MGAT3: variants seen among roughly 807,000 people sequenced by gnomAD.
MGAT3 encodes the protein beta-1,4-mannosyl-glycoprotein 4-beta-N-acetylglucosaminyltransferase, also known as GlcNAc-T III.
In MGAT3, 9 loss-of-function variants were observed where a neutral mutation model predicts 29.8. The ratio of observed to expected loss-of-function variants is 0.30; its 90% CI spans 0.18 to 0.53. The LOEUF (loss-of-function observed/expected upper bound fraction) is 0.53, where lower values mean the gene tolerates loss of function less well. Ranked by LOEUF, MGAT3 falls within the 20% of genes least tolerant of loss-of-function variation. The pLI is 0.96. For missense variants in MGAT3, 557 were observed against 769.5 expected (o/e 0.72, Z 3.27); for synonymous variants, 397 against 348.9 (o/e 1.14, Z -1.54).
chr22:39,476,572 G>A (rs1434263492), intron 1 of MGAT3: 3 of 152,334 alleles, frequency 2.0e-5, no homozygotes, highest in Admixed American at 6.5e-5. Context: ...GCCTGCTGGG[G>A]AAGCAGAATT....
In MGAT3 at chr22:39,469,012, G is replaced by A. The variant is rs531799465; in HGVS notation, c.-2+11455G>A. Among the ~76,000 whole-genome samples, 10 of 152,046 alleles carry A rather than the reference G, an allele frequency of 6.6e-5. No homozygotes were observed. In the East Asian group the frequency reaches 1.7e-3, roughly 26 times the overall value. ...GGCTTTCGCTTGGCTCATGGGGGCC[G>A]GGTTGGGGGCCCATTGAGGAAGCTG... is the stretch of plus-strand genomic sequence containing the variant. On this transcript the variant is annotated intron_variant, in intron 1 of 1. Transcript: ENST00000341184.
chr22:39,489,463 A>C lies in MGAT3; in HGVS notation c.*514A>C, dbSNP rs927488278. On this transcript the variant is annotated 3_prime_UTR_variant, in exon 2 of 2. Transcript: ENST00000341184. ...TGGACACCTCGTAGGGAAGAGATGA[A>C]AAAGCCACATCCTACCAAGAGGAGG... 2.8e-5 allele frequency: 5 copies of C among 177,070 alleles called. No homozygotes were observed. Among genetic ancestry groups the C allele is most frequent in the Non-Finnish European group, 6.8e-5 (5 of 73,884 alleles). The allele number at this position is 177,070 out of a possible 1,614,324, so 11.0% of individuals were successfully genotyped here.
At chr22:39,479,679 T>C (rs1929069557) in intron 1 of MGAT3, among the ~76,000 whole-genome samples, 1 of 152,238 alleles carries the variant, frequency 6.6e-6, no homozygotes, top group South Asian at 2.1e-4. Context: ...GTGCTTACTG[T>C]GTGCTAGGCA....
chr22:39,458,143 C>G (rs764843244), intron 1 of MGAT3, among the ~76,000 whole-genome samples: 2 of 152,170 alleles, frequency 1.3e-5, no homozygotes, highest in South Asian at 4.1e-4. Flanking sequence ...CGGCTCCTTG[C>G]ATTGCTCTGC....
chr22:39,468,243 C>T (rs1419094705), intron 1 of MGAT3, among the ~76,000 whole-genome samples: 1 of 152,232 alleles, frequency 6.6e-6, no homozygotes, highest in African/African-American at 2.4e-5. Flanking sequence ...CTGCCACCCT[C>T]CTGCCCAGGA....
At chr22:39,485,191 C>A (rs902167397) in intron 1 of MGAT3, among the ~76,000 whole-genome samples, 1 of 152,204 alleles carries the variant, frequency 6.6e-6, no homozygotes, top group Non-Finnish European at 1.5e-5. Flanking sequence ...CTTGGCCCCA[C>A]CCAGCATCTT....
chr22:39,488,347 G>A lies in MGAT3; in HGVS notation c.1000G>A (p.Asp334Asn). 5 of 1,612,546 alleles carry A rather than the reference G, an allele frequency of 3.1e-6. No individual in the cohort carries two copies. Among genetic ancestry groups the A allele is most frequent in the Non-Finnish European group, 4.2e-6 (5 of 1,180,024 alleles). Residue 334 changes from aspartate to asparagine, a missense_variant, in exon 2 of 2, where the codon GAT (aspartate) becomes AAT (asparagine). This residue lies in a region of MGAT3 where 243 missense variants were observed against 444.0 expected (regional missense o/e 0.55). Coordinates refer to ENST00000341184, the MANE Select transcript of MGAT3 (RefSeq NM_002409.5). ...CGGCGTCCTTTTCCTCAAGCTCTAC[G>A]ATGGCTGGACCGAGCCCTTCGCCTT... ...RDGVLFLKLY[D>N]GWTEPFAFHM...
In MGAT3 at chr22:39,487,053, C is replaced by T. The variant is rs116864138; in HGVS notation, c.-1-294C>T. ...AGCCAAGCCTAGCAGTGCAGCCGCA[C>T]AGTCAGGGTGGGGTGGGCCAGGCGG... On this transcript the variant is annotated intron_variant, in intron 1 of 1. Coordinates refer to ENST00000341184, the MANE Select transcript of MGAT3 (RefSeq NM_002409.5). This position sits in a 1 kb window ranked among gnomAD's most constrained non-coding sequence, Gnocchi z 5.7. 3.2e-4 allele frequency among the ~76,000 whole-genome samples: 48 copies of T among 152,154 alleles called. No individual in the cohort carries two copies. The East Asian group carries it at 9.1e-3, about 29-fold the overall frequency.
intron 1 of MGAT3, chr22:39,472,771 C>T (rs1377709265): frequency 1.3e-5 from 2 of 152,230 alleles, no homozygotes; most frequent in African/African-American, 4.8e-5. Flanking sequence ...TTAGTTCCTC[C>T]TGCAGTCATC....
At chr22:39,469,516 G>A (rs1427633313) in intron 1 of MGAT3, among the ~76,000 whole-genome samples, 1 of 152,154 alleles carries the variant, frequency 6.6e-6, no homozygotes. Context: ...TGTACACATG[G>A]GTAGGTGCCG....
In MGAT3 at chr22:39,487,426, A is replaced by C; in HGVS notation, c.79A>C (p.Lys27Gln). 6.2e-7 allele frequency: 1 copy of C among 1,613,168 alleles called. No individual in the cohort carries two copies. The highest frequency in any genetic ancestry group is 1.3e-5 in the African/African-American group (1 of 74,728). Residue 27 changes from lysine to glutamine, a missense_variant, in exon 2 of 2, where the codon AAG becomes CAG. Around this residue, in one of 3 missense-constraint regions of MGAT3, gnomAD observed 212 missense variants for 228.5 expected, o/e 0.93. Coordinates refer to ENST00000341184, the MANE Select transcript of MGAT3 (RefSeq NM_002409.5). The surrounding 1 kb of genome is among the most constrained non-coding windows in gnomAD (Gnocchi z 5.7). Reference protein sequence around the residue: ...LCLISFLHFFKTLSYVTFPRE... With the variant: ...LCLISFLHFFQTLSYVTFPRE... ...CCTCATCTCCTTCCTGCACTTCTTC[A>C]AGACCCTGTCCTATGTCACCTTCCC...
intron 1 of MGAT3, chr22:39,477,495 A>C (rs973457094): frequency 6.6e-6 from 1 of 151,976 alleles, no homozygotes; most frequent in Non-Finnish European, 1.5e-5. Flanking sequence ...AAGGCCTGGC[A>C]TATTCAGGGG....
At chr22:39,458,097 A>G (rs1928391159) in intron 1 of MGAT3, among the ~76,000 whole-genome samples, 1 of 152,086 alleles carries the variant, frequency 6.6e-6, no homozygotes, top group African/African-American at 2.4e-5. Context: ...GCAAATGTGG[A>G]GAGGGCCCCC....
chr22:39,466,903 G>C (rs906217855), intron 1 of MGAT3, among the ~76,000 whole-genome samples: 5 of 152,214 alleles, frequency 3.3e-5, no homozygotes, highest in African/African-American at 1.2e-4. Context: ...TTCTGACTCT[G>C]TACCCAGTAC....
rs80100240 is a variant in MGAT3, at chr22:39,475,554, G to A, written c.-1-11793G>A. Reference sequence around the variant, plus strand: ...ACCAATGCTCTATGAGCCTCTCTCAGCCAAGACCTTGGCATCAGCTCACCA... The same window carrying A: ...ACCAATGCTCTATGAGCCTCTCTCAACCAAGACCTTGGCATCAGCTCACCA... On this transcript the variant is annotated intron_variant, in intron 1 of 1. Transcript: ENST00000341184. 2.0e-3 allele frequency among the ~76,000 whole-genome samples: 307 copies of A among 152,250 alleles called. 1 individual carries two copies. The highest frequency in any genetic ancestry group is 2.6e-3 in the Non-Finnish European group (180 of 68,000).
chr22:39,471,998 C>CT (rs1383269425), intron 1 of MGAT3, among the ~76,000 whole-genome samples: 1 of 152,088 alleles, frequency 6.6e-6, no homozygotes, highest in Non-Finnish European at 1.5e-5. Context: ...GAGGGTGGGG[C>CT]TTTTTGTATA....
intron 1 of MGAT3, chr22:39,486,116 T>G: frequency 4.9e-6 from 2 of 410,994 alleles, no homozygotes; most frequent in Non-Finnish European, 9.4e-6. Flanking sequence ...ATAGAAAAAT[T>G]GCATATAAAG....
chr22:39,489,066 T>TGGGGGTGGGTTGG lies in MGAT3; in HGVS notation c.*126_*127insTTGGGGGGGTGGG. On this transcript the variant is annotated 3_prime_UTR_variant, in exon 2 of 2. Coordinates refer to ENST00000341184, the MANE Select transcript of MGAT3 (RefSeq NM_002409.5). ...GAGGGGACCAGGAGTGGGTGGGGAG[T>TGGGGGTGGGTTGG]GGGGGTGGGGGTAGGGTTTCCCTAC... The TGGGGGTGGGTTGG allele has an allele frequency of 3.0e-6, 1 of 332,622 alleles. No homozygotes were observed. The highest frequency in any genetic ancestry group is 5.3e-6 in the Non-Finnish European group (1 of 188,438). The allele number at this position is 332,622 out of a possible 1,614,324, so 20.6% of individuals were successfully genotyped here. A position where few individuals can be genotyped will look rare whatever the true frequency, so the allele number is the denominator to read the frequency against.
chr22:39,487,266 A>G lies in MGAT3; in HGVS notation c.-1-81A>G, dbSNP rs1243607560. 7.0e-7 allele frequency: 1 copy of G among 1,425,862 alleles called. No individual in the cohort carries two copies. The highest frequency in any genetic ancestry group is 2.3e-5 in the East Asian group (1 of 43,762). The allele number at this position is 1,425,862 out of a possible 1,614,324, so 88.3% of individuals were successfully genotyped here. ...CCACCACATTGTCCAGCAAGGTGGCAGCAGAGGCCTCCTAGGTCCCCTTCC... is the reference window on the plus strand; with the variant it reads ...CCACCACATTGTCCAGCAAGGTGGCGGCAGAGGCCTCCTAGGTCCCCTTCC... On this transcript the variant is annotated intron_variant, in intron 1 of 1. Coordinates refer to ENST00000341184, the MANE Select transcript of MGAT3 (RefSeq NM_002409.5). This position sits in a 1 kb window ranked among gnomAD's most constrained non-coding sequence, Gnocchi z 5.7.
Sources: allele counts gnomAD v4.1 joint callset (sites outside exome capture counted in the v4.1 genomes callset), GRCh38; gene constraint gnomAD v4.1.1; regional missense constraint gnomAD v4.1.1; non-coding constraint Gnocchi (gnomAD v3.1); transcripts MANE v1.5; gene names NCBI Gene and HGNC (gene_info 2026-07-23, HGNC 2026-07-21).